Variants in AGBL4 observed in about 807,000 individuals in gnomAD.
The protein encoded by AGBL4 is cytosolic carboxypeptidase 6.
Under a neutral mutation model 66.4 loss-of-function variants are expected in AGBL4, and 58 were observed. That is an observed-to-expected ratio of 0.87 (90% CI 0.71 to 1.09). The LOEUF is 1.09. AGBL4 is among the 50% of genes least tolerant of loss of function. The pLI, the probability that AGBL4 is intolerant of heterozygous loss-of-function variation, is 0.00. For missense variants in AGBL4, 579 were observed against 631.0 expected, an observed-to-expected ratio of 0.92 and a Z score of 0.88; for synonymous variants, 234 against 222.9, an observed-to-expected ratio of 1.05 and a Z score of -0.44.
chr1:48,730,698 A>T (rs1468723827), intron 6 of AGBL4, among the ~76,000 whole-genome samples: 1 of 152,216 alleles, frequency 6.6e-6, no homozygotes, highest in Non-Finnish European at 1.5e-5. Flanking sequence ...GGCTTTCGTT[A>T]GACTCTAGAT....
intron 5 of AGBL4, among the ~76,000 whole-genome samples, chr1:48,937,771 C>T (rs529778207): frequency 6.6e-6 from 1 of 152,244 alleles, no homozygotes; most frequent in South Asian, 2.1e-4. Flanking sequence ...AAGCAGGCAA[C>T]TGCTATAAAA....
chr1:49,818,077 G>T (rs1645275473), intron 2 of AGBL4, among the ~76,000 whole-genome samples: 1 of 151,934 alleles, frequency 6.6e-6, no homozygotes, highest in Non-Finnish European at 1.5e-5. Context: ...TAAGCCAAAT[G>T]TTGCTAGAAA....
At chr1:48,697,627 T>C (rs942601344) in intron 6 of AGBL4, among the ~76,000 whole-genome samples, 1 of 152,220 alleles carries the variant, frequency 6.6e-6, no homozygotes, top group Non-Finnish European at 1.5e-5. Flanking sequence ...ATTTCAGTAC[T>C]GACCAGAAAG....
At chr1:49,153,994 G>A (rs1646385041) in intron 4 of AGBL4, among the ~76,000 whole-genome samples, 1 of 152,036 alleles carries the variant, frequency 6.6e-6, no homozygotes. Context: ...AATACTGCTA[G>A]CGAGAGAAGA....
intron 5 of AGBL4, among the ~76,000 whole-genome samples, chr1:48,980,778 T>C (rs907499853): frequency 1.9e-5 from 2 of 103,554 alleles, no homozygotes; most frequent in African/African-American, 7.5e-5. Context: ...TATATATATA[T>C]ATAGTTGAAA....
At chr1:48,678,435 A>G (rs1306562849) in intron 6 of AGBL4, among the ~76,000 whole-genome samples, 1 of 152,100 alleles carries the variant, frequency 6.6e-6, no homozygotes, top group Non-Finnish European at 1.5e-5. Context: ...CCACTCACAC[A>G]CATCTTGAGA....
chr1:48,576,651 C>A (rs1275890820), intron 11 of AGBL4, among the ~76,000 whole-genome samples: 3 of 152,136 alleles, frequency 2.0e-5, no homozygotes, highest in African/African-American at 7.2e-5. Context: ...CCTTTCCAAC[C>A]TGATGCCTCA....
At chr1:48,634,692 A>T (rs1645642250) in intron 8 of AGBL4, 88 bp from the exon 9 acceptor site, 5 of 836,382 alleles carry the variant, frequency 6.0e-6, no homozygotes, top group Middle Eastern at 2.3e-4. Flanking sequence ...AGGAGCAGTG[A>T]TTATGTCACT....
chr1:49,258,288 G>C (rs1003062315), intron 3 of AGBL4, among the ~76,000 whole-genome samples: 1 of 152,148 alleles, frequency 6.6e-6, no homozygotes, highest in Non-Finnish European at 1.5e-5. Context: ...CACCAGCAAC[G>C]GAACAAAGCT....
intron 1 of AGBL4, among the ~76,000 whole-genome samples, chr1:49,971,565 C>T (rs577661538): frequency 6.6e-6 from 1 of 151,880 alleles, no homozygotes; most frequent in Non-Finnish European, 1.5e-5. Context: ...CTAAGAATTG[C>T]GGGAAGAAGG....
At chr1:49,937,086 A>G (rs937929568) in intron 1 of AGBL4, among the ~76,000 whole-genome samples, 131 of 152,346 alleles carry the variant, frequency 8.6e-4, no homozygotes, top group African/African-American at 3.1e-3. Context: ...TGCTGTATTC[A>G]GGAAACCCAT....
chr1:49,689,601 TG>T lies in AGBL4; in HGVS notation c.282+7711del, dbSNP rs528968277. ...AATTTTAGGATTTTTTCTATTTCTG[TG>T]AAGAATGTCATTGGTATTTTGATAG... On this transcript the variant is annotated intron_variant, in intron 3 of 13. Transcript: ENST00000371839. Among the ~76,000 whole-genome samples the T allele has an allele frequency of 3.0e-4, 45 of 152,290 alleles. 2 individuals carry two copies. In the South Asian group the frequency reaches 8.7e-3, roughly 29 times the overall value.
chr1:49,818,386 G>A, intron 2 of AGBL4, among the ~76,000 whole-genome samples: 1 of 143,242 alleles, frequency 7.0e-6, no homozygotes, highest in Admixed American at 7.1e-5. Flanking sequence ...TTTTTTTTGA[G>A]ATGAGGTCTT....
At chr1:49,107,690 TGTGTGAGAGAGA>T (rs755816158) in intron 4 of AGBL4, among the ~76,000 whole-genome samples, 5 of 107,080 alleles carry the variant, frequency 4.7e-5, no homozygotes, top group African/African-American at 1.7e-4. Flanking sequence ...TGTGTGTGTG[TGTGTGAGAGAGA>T]GAGAGAGAGA....
intron 4 of AGBL4, among the ~76,000 whole-genome samples, chr1:49,170,465 T>A (rs1646718064): frequency 7.0e-6 from 1 of 143,238 alleles, no homozygotes; most frequent in Admixed American, 7.1e-5. Context: ...ATATATAAAT[T>A]TATTTTATAT....
At chr1:48,964,194 A>G (rs1259693985) in intron 5 of AGBL4, among the ~76,000 whole-genome samples, 1 of 152,176 alleles carries the variant, frequency 6.6e-6, no homozygotes, top group Non-Finnish European at 1.5e-5. Flanking sequence ...ATGTCTTAGG[A>G]CAAAATGTTA....
At chr1:49,022,392 T>G (rs1663315605) in intron 5 of AGBL4, among the ~76,000 whole-genome samples, 1 of 152,134 alleles carries the variant, frequency 6.6e-6, no homozygotes, top group Non-Finnish European at 1.5e-5. Flanking sequence ...ACCCGAATAT[T>G]CCTAGCAGTT....
intron 4 of AGBL4, among the ~76,000 whole-genome samples, chr1:49,092,601 G>A (rs1159170233): frequency 1.3e-5 from 2 of 152,112 alleles, no homozygotes; most frequent in Admixed American, 1.3e-4. Context: ...TGCAACAAAT[G>A]ATGGTTGTAA....
At chr1:49,344,233 C>G (rs1645595014) in intron 3 of AGBL4, among the ~76,000 whole-genome samples, 1 of 151,984 alleles carries the variant, frequency 6.6e-6, no homozygotes, top group Admixed American at 6.6e-5. Context: ...GTAATTAAGA[C>G]TACTGGAGTG....
Sources: allele counts gnomAD v4.1 joint callset (sites outside exome capture counted in the v4.1 genomes callset), GRCh38; gene constraint gnomAD v4.1.1; transcripts MANE v1.5; gene names NCBI Gene and HGNC (gene_info 2026-07-23, HGNC 2026-07-21).